The following HTRA1 variants were observed in gnomAD, a reference collection of about 807,000 sequenced individuals.
The protein encoded by HTRA1 is serine protease HTRA1.
HTRA1 carries 26 observed loss-of-function variants against 49.7 expected under a neutral mutation model. The ratio of observed to expected loss-of-function variants is 0.52; its 90% CI spans 0.38 to 0.73. HTRA1 has a LOEUF of 0.73. Ranked by LOEUF, HTRA1 falls within the 30% of genes least tolerant of loss-of-function variation. The pLI is 0.00. For missense variants in HTRA1, 561 were observed against 667.2 expected (o/e 0.84, Z 1.75); for synonymous variants, 291 against 286.9 (o/e 1.01, Z -0.14).
chr10:122,461,821 C>T lies in HTRA1; in HGVS notation c.169C>T (p.Arg57Trp). Residue 57 changes from arginine (R) to tryptophan (W), a missense_variant, in exon 1 of 9, where the codon CGG (arginine) becomes TGG (tryptophan). By Grantham distance (101) the Arg-to-Trp change is moderately radical. This residue lies in a region of HTRA1 where 111 missense variants were observed against 83.7 expected (regional missense o/e 1.33). Coordinates refer to ENST00000368984, the MANE Select transcript of HTRA1 (RefSeq NM_002775.5). ...PPQPEHCEGG[R>W]ARDACGCCEV... ...GCAGCCGGAGCACTGCGAGGGCGGC[C>T]GGGCCCGGGACGCGTGCGGCTGCTG... 1 of 1,089,288 alleles carries T rather than the reference C, an allele frequency of 9.2e-7. No individual in the cohort carries two copies. Among genetic ancestry groups the T allele is most frequent in the Non-Finnish European group, 1.1e-6 (1 of 899,682 alleles). The allele number at this position is 1,089,288 out of a possible 1,614,324, so 67.5% of individuals were successfully genotyped here.
chr10:122,479,147 T>A (rs1359926675), intron 1 of HTRA1, among the ~76,000 whole-genome samples: 1 of 152,248 alleles, frequency 6.6e-6, no homozygotes, highest in African/African-American at 2.4e-5. Context: ...TCAACTCAGC[T>A]GAGAAATTGG....
At chr10:122,469,613 G>T (rs756765652) in intron 1 of HTRA1, among the ~76,000 whole-genome samples, 16 of 152,328 alleles carry the variant, frequency 1.1e-4, no homozygotes, top group Non-Finnish European at 1.8e-4. Context: ...GTGGGAGCTG[G>T]GCACTGTGCT....
intron 1 of HTRA1, among the ~76,000 whole-genome samples, chr10:122,470,812 A>G (rs377246792): frequency 6.6e-6 from 1 of 152,122 alleles, no homozygotes; most frequent in Non-Finnish European, 1.5e-5. Context: ...AACACCAAGA[A>G]TAGTGAAGCC....
chr10:122,468,391 G>A (rs560899034), intron 1 of HTRA1, among the ~76,000 whole-genome samples: 4 of 141,142 alleles, frequency 2.8e-5, no homozygotes, highest in South Asian at 2.4e-4. Flanking sequence ...CAATATTAGC[G>A]TGTTGTCATT....
chr10:122,486,840 G>A (rs1008252961), intron 1 of HTRA1, among the ~76,000 whole-genome samples: 2 of 152,106 alleles, frequency 1.3e-5, no homozygotes, highest in Non-Finnish European at 2.9e-5. Flanking sequence ...ATGAATGTGT[G>A]TGGAAGTGTG....
rs1259069687 is a variant in HTRA1, at chr10:122,487,194, C to T, written c.473-1708C>T. ...GTAGTGAGCAGCTAGCAGAGGAGTG[C>T]GGGTCCCTGGAGCCTGCTTGTGCAA... On this transcript the variant is annotated intron_variant, in intron 1 of 8. Coordinates refer to ENST00000368984, the MANE Select transcript of HTRA1 (RefSeq NM_002775.5). This position sits in a 1 kb window ranked among gnomAD's most constrained non-coding sequence, Gnocchi z 4.8. Among the ~76,000 whole-genome samples the T allele has an allele frequency of 6.6e-6, 1 of 152,130 alleles. No individual in the cohort carries two copies. Among genetic ancestry groups the T allele is most frequent in the East Asian group, 1.9e-4 (1 of 5,182 alleles).
intron 3 of HTRA1, among the ~76,000 whole-genome samples, chr10:122,502,179 G>T (rs955229269): frequency 2.0e-5 from 3 of 152,034 alleles, no homozygotes; most frequent in South Asian, 2.1e-4. Flanking sequence ...CAAAAGCCGA[G>T]AGGGCAAGGG....
chr10:122,479,102 A>G (rs1425908256), intron 1 of HTRA1, among the ~76,000 whole-genome samples: 1 of 152,240 alleles, frequency 6.6e-6, no homozygotes, highest in Non-Finnish European at 1.5e-5. Flanking sequence ...TCCCTCGAAT[A>G]CACTGCGTTC....
In HTRA1 at chr10:122,489,617, T is replaced by A; in HGVS notation, c.768T>A (p.Ile256=). The A allele has an allele frequency of 6.2e-7, 1 of 1,613,490 alleles. No homozygotes were observed. The highest frequency in any genetic ancestry group is 8.5e-7 in the Non-Finnish European group (1 of 1,179,910). ...DEKADIALIK[I]DHQGKLPVLL... ...AAGCAGACATCGCACTCATCAAAAT[T>A]GACCACCAGGTAAGGGTGTTCTCGC... is the stretch of plus-strand genomic sequence containing the variant. Residue 256 remains isoleucine, a synonymous_variant, in exon 3 of 9, where the codon ATT becomes ATA. Coordinates refer to ENST00000368984, the MANE Select transcript of HTRA1 (RefSeq NM_002775.5).
At chr10:122,512,824 A>T (rs931299556) in intron 8 of HTRA1, among the ~76,000 whole-genome samples, 3 of 152,134 alleles carry the variant, frequency 2.0e-5, no homozygotes, top group Non-Finnish European at 4.4e-5. Context: ...CACTGAACCC[A>T]ATTTGTAGTC....
chr10:122,496,224 GGTTCTTTTT>G (rs2097498584), intron 3 of HTRA1, among the ~76,000 whole-genome samples: 1 of 32,064 alleles, frequency 3.1e-5, no homozygotes, highest in Non-Finnish European at 6.2e-5. Flanking sequence ...AGAGATTGTG[GGTTCTTTTT>G]TTTTTTTTTT....
intron 3 of HTRA1, among the ~76,000 whole-genome samples, chr10:122,491,439 G>A (rs1051413947): frequency 6.6e-6 from 1 of 152,238 alleles, no homozygotes; most frequent in Admixed American, 6.5e-5. Context: ...ACAGCCTGTG[G>A]CCACGCGTGG....
At chr10:122,471,458 C>T (rs776086364) in intron 1 of HTRA1, among the ~76,000 whole-genome samples, 18 of 152,188 alleles carry the variant, frequency 1.2e-4, no homozygotes, top group Non-Finnish European at 1.8e-4. Flanking sequence ...CTGCTCCGAC[C>T]TTTCACACCC....
At chr10:122,466,127 G>A (rs1370101597) in intron 1 of HTRA1, among the ~76,000 whole-genome samples, 1 of 152,164 alleles carries the variant, frequency 6.6e-6, no homozygotes, top group Non-Finnish European at 1.5e-5. Flanking sequence ...CAAGGGCTTA[G>A]ATGGTTGCTT....
chr10:122,511,735 A>C, intron 7 of HTRA1, among the ~76,000 whole-genome samples: 1 of 11,122 alleles, frequency 9.0e-5, no homozygotes, highest in South Asian at 4.8e-3. Flanking sequence ...TCTGTCTCAA[A>C]AAAAAAAAAA....
chr10:122,509,540 G>A (rs934834193), intron 6 of HTRA1, among the ~76,000 whole-genome samples: 5 of 152,218 alleles, frequency 3.3e-5, no homozygotes, highest in African/African-American at 4.8e-5. Flanking sequence ...GGAGTTCCCC[G>A]GGGTGGAAAG....
chr10:122,498,886 C>T (rs191530828), intron 3 of HTRA1, among the ~76,000 whole-genome samples: 1 of 152,326 alleles, frequency 6.6e-6, no homozygotes, highest in African/African-American at 2.4e-5. Context: ...CTGCTGCCTC[C>T]CCAGTCCCTG....
chr10:122,507,768 A>C (rs2097503797), intron 5 of HTRA1, among the ~76,000 whole-genome samples: 1 of 152,228 alleles, frequency 6.6e-6, no homozygotes, highest in Non-Finnish European at 1.5e-5. Context: ...CCTCCAAATT[A>C]AATCTCCTGG....
chr10:122,492,720 C>A lies in HTRA1; in HGVS notation c.777+3094C>A, dbSNP rs368256786. On this transcript the variant is annotated intron_variant, in intron 3 of 8. Coordinates refer to ENST00000368984, the MANE Select transcript of HTRA1 (RefSeq NM_002775.5). ...TTGTCCACTTGCCACTCACCTACCC[C>A]CTTTTCTGGCAGCAACAGCCGGCAT... Among the ~76,000 whole-genome samples the A allele has an allele frequency of 6.6e-5, 10 of 152,334 alleles. No homozygotes were observed. The South Asian group carries it at 8.3e-4, about 13-fold the overall frequency.
Sources: allele counts gnomAD v4.1 joint callset (sites outside exome capture counted in the v4.1 genomes callset), GRCh38; gene constraint gnomAD v4.1.1; regional missense constraint gnomAD v4.1.1; non-coding constraint Gnocchi (gnomAD v3.1); transcripts MANE v1.5; gene names NCBI Gene and HGNC (gene_info 2026-07-23, HGNC 2026-07-21).